UBAP2: variants seen among roughly 807,000 people sequenced by gnomAD.
UBAP2 encodes ubiquitin associated protein 2, also known as ubiquitin-associated protein 2.
In UBAP2, 75 loss-of-function variants were observed where a neutral mutation model predicts 139.6. That is an observed-to-expected ratio of 0.54 (90% confidence interval 0.45 to 0.65). UBAP2 has a LOEUF of 0.65. Ranked by LOEUF, UBAP2 falls within the 30% of genes least tolerant of loss-of-function variation. The pLI is 0.00. For missense variants in UBAP2, 1,368 were observed against 1,369.6 expected (o/e 1.00, Z 0.02); for synonymous variants, 526 against 526.2 (o/e 1.00, Z 0.01).
intron 13 of UBAP2, among the ~76,000 whole-genome samples, chr9:33,945,828 C>CAA (rs1212026249): frequency 6.6e-6 from 1 of 152,170 alleles, no homozygotes; most frequent in Non-Finnish European, 1.5e-5. Context: ...AAAACCAGTA[C>CAA]TATATTAATG....
intron 16 of UBAP2, among the ~76,000 whole-genome samples, chr9:33,940,693 T>G (rs975156976): frequency 3.9e-5 from 6 of 152,160 alleles, no homozygotes; most frequent in African/African-American, 1.4e-4. Flanking sequence ...GTGGGAGGAC[T>G]CACTGAGCCC....
At chr9:33,971,600 T>C in intron 8 of UBAP2, 51 bp downstream of exon 8, 1 of 1,061,968 alleles carries the variant, frequency 9.4e-7, no homozygotes, top group South Asian at 1.3e-5. Context: ...CATACAACTC[T>C]TAATAGCTCA....
rs35262932 is a variant in UBAP2, at chr9:33,923,226, C to T, written c.2964G>A (p.Ser988=). The T allele has an allele frequency of 8.0e-5, 129 of 1,614,186 alleles. 1 individual carries two copies. In the African/African-American group the frequency reaches 1.5e-3, roughly 19 times the overall value. ...DYSKGGYAGS[S]QAPNKSAGSG... ...AACCTGCAGACTTGTTTGGTGCCTG[C>T]GATGATCCAGCATAGCCACCTTTGG... Residue 988 remains serine (S), a synonymous_variant, in exon 26 of 29, where the codon TCG becomes TCA. Coordinates refer to ENST00000379238, the MANE Select transcript of UBAP2 (RefSeq NM_001370062.2).
chr9:33,955,720 G>C (rs1358132245), intron 11 of UBAP2, among the ~76,000 whole-genome samples: 1 of 151,776 alleles, frequency 6.6e-6, no homozygotes, highest in Non-Finnish European at 1.5e-5. Flanking sequence ...CAGCTACCTG[G>C]GAGGCTTGAG....
chr9:33,938,337 C>G lies in UBAP2; in HGVS notation c.1930-2459G>C, dbSNP rs1288817422. ...AGAGACAGAGTTTTTTGTCATGTTG[C>G]TTAGGCTGGTCTCAAACTCCTGACC... On this transcript the variant is annotated intron_variant, in intron 16 of 28. Transcript: ENST00000379238. Among the ~76,000 whole-genome samples, 7 of 152,102 alleles carry G rather than the reference C, an allele frequency of 4.6e-5. No homozygotes were observed. The East Asian group carries it at 1.4e-3, about 29-fold the overall frequency.
chr9:34,024,802 G>C (rs1348111662), intron 1 of UBAP2, among the ~76,000 whole-genome samples: 1 of 152,072 alleles, frequency 6.6e-6, no homozygotes, highest in Non-Finnish European at 1.5e-5. Context: ...TGGCAAACAT[G>C]GCGAAACCCT....
At chr9:34,017,219 C>T (rs950490379) in intron 1 of UBAP2, 30 bp from the exon 2 acceptor site, 27 of 1,050,992 alleles carry the variant, frequency 2.6e-5, no homozygotes, top group African/African-American at 1.5e-4. Context: ...GTAAGCAAAA[C>T]AATCATAGTA....
intron 16 of UBAP2, among the ~76,000 whole-genome samples, chr9:33,939,206 T>TTC (rs1554681271): frequency 7.2e-6 from 1 of 138,316 alleles, no homozygotes; most frequent in Non-Finnish European, 1.6e-5. Flanking sequence ...TTTTTTTTTT[T>TTC]TTTTTGAGAT....
chr9:34,018,331 TTTTG>T (rs1372744622), intron 1 of UBAP2, among the ~76,000 whole-genome samples: 4 of 152,062 alleles, frequency 2.6e-5, no homozygotes, highest in African/African-American at 9.7e-5. Context: ...ATAATTGTTT[TTTTG>T]TTTAATTTTA....
intron 2 of UBAP2, among the ~76,000 whole-genome samples, chr9:34,013,467 G>A (rs1823952061): frequency 6.6e-6 from 1 of 152,008 alleles, no homozygotes; most frequent in African/African-American, 2.4e-5. Context: ...CTCCAGCCTG[G>A]ACAACAAGAG....
chr9:33,954,301 C>CAT (rs1554682975), intron 11 of UBAP2, among the ~76,000 whole-genome samples: 63 of 146,742 alleles, frequency 4.3e-4, no homozygotes, highest in South Asian at 6.7e-4. Context: ...CACACACACA[C>CAT]GCCCATATAA....
At chr9:33,996,509 T>C (rs7048343) in intron 3 of UBAP2, 176 bp from the exon 4 acceptor site, 544,913 of 548,022 alleles carry the variant, frequency 0.99, 270,976 homozygotes, top group East Asian at 1. Flanking sequence ...ATTCCATGCA[T>C]GTCTTTTCAC....
At chr9:33,932,364 C>A (rs2130883357) in intron 19 of UBAP2, among the ~76,000 whole-genome samples, 198 bp downstream of exon 19, 1 of 152,294 alleles carries the variant, frequency 6.6e-6, no homozygotes, top group African/African-American at 2.4e-5. Flanking sequence ...CCAGGCGCTA[C>A]AAACTTAGAA....
rs1007616859 is a variant in UBAP2, at chr9:33,922,867, C to T, written c.3084G>A (p.Lys1028=). ...GAGGCGTCCCTGCATGAAATCCCTG[C>T]TTGTCAAAAGTCTACAGGGCAAAGA... The part of the protein sequence containing the change: ...SVYNKTQTFD[K]QGFHAGTPPP... Residue 1028 remains lysine, a synonymous_variant, in exon 28 of 29, where the codon AAG becomes AAA. Coordinates refer to ENST00000379238, the MANE Select transcript of UBAP2 (RefSeq NM_001370062.2). The T allele has an allele frequency of 1.3e-6, 2 of 1,593,606 alleles. No individual in the cohort carries two copies. The highest frequency in any genetic ancestry group is 1.1e-5 in the South Asian group (1 of 88,774).
At chr9:33,970,792 T>C (rs968866560) in intron 8 of UBAP2, among the ~76,000 whole-genome samples, 8 of 152,104 alleles carry the variant, frequency 5.3e-5, no homozygotes, top group Admixed American at 2.0e-4. Flanking sequence ...AAATTATGTT[T>C]CTGTTTTTCG....
chr9:34,011,945 T>C (rs1310031713), intron 2 of UBAP2, among the ~76,000 whole-genome samples: 1 of 151,134 alleles, frequency 6.6e-6, no homozygotes. Context: ...CAGAAAAAAA[T>C]TGGAAATAAT....
At chr9:34,036,806 C>CTT (rs869116521) in intron 1 of UBAP2, among the ~76,000 whole-genome samples, 2,717 of 99,408 alleles carry the variant, frequency 0.027, 87 homozygotes, top group Non-Finnish European at 0.043. Flanking sequence ...AAGTTTTTCT[C>CTT]TTTTTTTTTT....
intron 3 of UBAP2, chr9:33,998,574 TTA>T (rs1215892067): frequency 2.0e-6 from 1 of 493,706 alleles, no homozygotes; most frequent in Non-Finnish European, 3.6e-6. Flanking sequence ...CTCAGAAAGA[TTA>T]TATTGTAAGG....
At chr9:33,983,580 C>T (rs1587611998) in intron 6 of UBAP2, among the ~76,000 whole-genome samples, 1 of 152,124 alleles carries the variant, frequency 6.6e-6, no homozygotes, top group African/African-American at 2.4e-5. Flanking sequence ...ATACTGTGAC[C>T]GCCCTCCCTG....
Sources: gnomAD v4.1 joint callset for allele counts (sites outside exome capture counted in the v4.1 genomes callset) on GRCh38, gnomAD v4.1.1 for gene constraint, MANE v1.5 for transcripts, NCBI Gene and HGNC (gene_info 2026-07-23, HGNC 2026-07-21) for gene names.